The following SHQ1 variants were observed in gnomAD, a reference collection of about 807,000 sequenced individuals.
SHQ1 encodes protein SHQ1 homolog.
In SHQ1, 49 loss-of-function variants were observed where a neutral mutation model predicts 53.8. That is an observed-to-expected ratio of 0.91 (90% CI 0.72 to 1.16). The LOEUF (loss-of-function observed/expected upper bound fraction) is 1.16. SHQ1 is among the 50% of genes most tolerant of loss of function. The probability of loss-of-function intolerance (pLI) is 0.00; values close to 1 mark genes in which losing one functional copy is unlikely to be tolerated. For missense variants in SHQ1, 738 were observed against 683.1 expected, an observed-to-expected ratio of 1.08 and a Z score of -0.90; for synonymous variants, 243 against 251.0, an observed-to-expected ratio of 0.97 and a Z score of 0.30.
chr3:72,765,139 G>A (rs1705692278), intron 10 of SHQ1, among the ~76,000 whole-genome samples: 2 of 152,108 alleles, frequency 1.3e-5, no homozygotes, highest in South Asian at 4.1e-4. Context: ...TGGTCCTGAG[G>A]CCCAGACTCA....
At chr3:72,845,716 C>T (rs1003547410) in intron 1 of SHQ1, among the ~76,000 whole-genome samples, 1 of 152,106 alleles carries the variant, frequency 6.6e-6, no homozygotes, top group Non-Finnish European at 1.5e-5. Context: ...GAAATTTGAG[C>T]TTCCTTTCTT....
intron 10 of SHQ1, among the ~76,000 whole-genome samples, chr3:72,759,209 T>C (rs116381309): frequency 0.013 from 2,032 of 152,274 alleles, 37 homozygotes; most frequent in African/African-American, 0.045. Context: ...TAAGGTCACA[T>C]TGTGAGGTTC....
At chr3:72,774,562 A>G (rs1559665820) in intron 10 of SHQ1, among the ~76,000 whole-genome samples, 1 of 152,226 alleles carries the variant, frequency 6.6e-6, no homozygotes, top group East Asian at 1.9e-4. Context: ...AAGGAGAAAA[A>G]TATTTCCAAA....
chr3:72,801,114 G>C (rs1390987141), intron 9 of SHQ1, among the ~76,000 whole-genome samples: 1 of 148,678 alleles, frequency 6.7e-6, no homozygotes, highest in Non-Finnish European at 1.5e-5. Context: ...AACTAAGAAT[G>C]AGGCATCCAA....
rs778185754 is a variant in SHQ1 at position 72,793,048 on chromosome 3, T to C, written c.1061-12A>G. The C allele has an allele frequency of 1.3e-6, 2 of 1,589,344 alleles. No homozygotes were observed. The highest frequency in any genetic ancestry group is 8.6e-7 in the Non-Finnish European group (1 of 1,167,024). ...AACTGCACTTTTACCTAAAGAAAATTGAAAAAACATAAAATTATCCTTAAG... is the reference window on the plus strand; with the variant it reads ...AACTGCACTTTTACCTAAAGAAAATCGAAAAAACATAAAATTATCCTTAAG... On this transcript the variant is annotated splice_polypyrimidine_tract_variant and intron_variant, in intron 9 of 10. Coordinates refer to ENST00000325599, the MANE Select transcript of SHQ1 (RefSeq NM_018130.3).
intron 6 of SHQ1, among the ~76,000 whole-genome samples, chr3:72,820,718 G>A (rs1355831837): frequency 6.6e-6 from 1 of 152,150 alleles, no homozygotes; most frequent in East Asian, 1.9e-4. Flanking sequence ...AAGCAGCTTT[G>A]CTATATAGTT....
chr3:72,752,987 C>G, intron 10 of SHQ1: 1 of 985,310 alleles, frequency 1.0e-6, no homozygotes, highest in Non-Finnish European at 1.2e-6. Flanking sequence ...TCTAAATTAC[C>G]TGCTAGATTT....
chr3:72,845,112 T>A (rs1013207966), intron 1 of SHQ1, among the ~76,000 whole-genome samples: 1 of 151,260 alleles, frequency 6.6e-6, no homozygotes, highest in Admixed American at 6.6e-5. Context: ...ATTACTACTT[T>A]AAAAAAAAAG....
the SHQ1 span, among the ~76,000 whole-genome samples, chr3:72,735,813 C>T: frequency 6.7e-6 from 1 of 148,382 alleles, no homozygotes; most frequent in Admixed American, 6.7e-5. Flanking sequence ...TACTGGCTTG[C>T]ATGACTGAAG....
chr3:72,764,452 G>C (rs902562788), intron 10 of SHQ1, among the ~76,000 whole-genome samples: 7 of 152,106 alleles, frequency 4.6e-5, no homozygotes, highest in Non-Finnish European at 1.5e-5. Context: ...ATCAAACTTG[G>C]GAAAGTGTAT....
intron 9 of SHQ1, among the ~76,000 whole-genome samples, chr3:72,811,256 T>C (rs1707113553): frequency 6.6e-6 from 1 of 152,192 alleles, no homozygotes; most frequent in African/African-American, 2.4e-5. Context: ...AGCCATGATA[T>C]AACAGGATAA....
chr3:72,726,008 C>G, the SHQ1 span, among the ~76,000 whole-genome samples: 2 of 152,176 alleles, frequency 1.3e-5, no homozygotes, highest in African/African-American at 4.8e-5. Context: ...GGTGATGCAG[C>G]TATAGTCCCA....
intron 10 of SHQ1, among the ~76,000 whole-genome samples, chr3:72,765,557 A>ATATATTTTTTTTTT (rs1491527508): frequency 1.7e-5 from 1 of 57,192 alleles, no homozygotes; most frequent in African/African-American, 7.9e-5. Flanking sequence ...ATATATATAT[A>ATATATTTTTTTTTT]TTTTTTTTTT....
At chr3:72,764,427 G>C (rs1705675018) in intron 10 of SHQ1, among the ~76,000 whole-genome samples, 1 of 152,142 alleles carries the variant, frequency 6.6e-6, no homozygotes, top group Non-Finnish European at 1.5e-5. Context: ...TCTGACAAGT[G>C]GTCGTCTATA....
chr3:72,745,303 A>T (rs759277862), downstream of SHQ1, among the ~76,000 whole-genome samples: 7 of 152,138 alleles, frequency 4.6e-5, no homozygotes, highest in Non-Finnish European at 7.4e-5. Flanking sequence ...ACCAATTTAG[A>T]ATGTGGTAGG....
At chr3:72,832,685 A>C (rs1041192833) in intron 4 of SHQ1, among the ~76,000 whole-genome samples, 1 of 152,230 alleles carries the variant, frequency 6.6e-6, no homozygotes, top group African/African-American at 2.4e-5. Flanking sequence ...CTCATAAATT[A>C]TCTCATTTAA....
chr3:72,751,644 G>A (rs1705385245), intron 10 of SHQ1, among the ~76,000 whole-genome samples: 1 of 151,012 alleles, frequency 6.6e-6, no homozygotes, highest in African/African-American at 2.4e-5. Flanking sequence ...TTCAAAAAAG[G>A]AAATATAAGT....
chr3:72,823,605 A>G lies in SHQ1; in HGVS notation c.727+819T>C, dbSNP rs116438028. 2.5e-3 allele frequency among the ~76,000 whole-genome samples: 386 copies of G among 152,344 alleles called. 2 individuals carry two copies. Among genetic ancestry groups the G allele is most frequent in the African/African-American group, 8.9e-3 (372 of 41,566 alleles). On this transcript the variant is annotated intron_variant, in intron 6 of 10. Coordinates refer to ENST00000325599, the MANE Select transcript of SHQ1 (RefSeq NM_018130.3). ...CATGAAAAGCTTCAGGTAGATCTCT[A>G]CATACTAATATGGAAGATGTGCAAC...
At chr3:72,803,985 T>C (rs947700102) in intron 9 of SHQ1, among the ~76,000 whole-genome samples, 1 of 152,178 alleles carries the variant, frequency 6.6e-6, no homozygotes, top group Admixed American at 6.5e-5. Context: ...GGCATGATCA[T>C]AGCTCACTGT....
Sources: allele counts gnomAD v4.1 joint callset (sites outside exome capture counted in the v4.1 genomes callset), GRCh38; gene constraint gnomAD v4.1.1; transcripts MANE v1.5; gene names NCBI Gene and HGNC (gene_info 2026-07-23, HGNC 2026-07-21).